Variants in BCL11B observed in about 807,000 individuals in gnomAD.
The protein encoded by BCL11B is B-cell lymphoma/leukemia 11B.
In BCL11B, 8 loss-of-function variants were observed where a neutral mutation model predicts 49.9. That is an observed-to-expected ratio of 0.16 (90% CI 0.09 to 0.29). The LOEUF (loss-of-function observed/expected upper bound fraction) is 0.29. Ranked by LOEUF, BCL11B falls within the 10% of genes least tolerant of loss-of-function variation. The pLI, the probability that BCL11B is intolerant of heterozygous loss-of-function variation, is 1.00. For missense variants in BCL11B, 1,006 were observed against 1,351.0 expected (o/e 0.74, Z 4.00); for synonymous variants, 739 against 637.4 (o/e 1.16, Z -2.40).
rs1382248393 is a variant in BCL11B at position 99,242,592 on chromosome 14, C to T, written c.428-11035G>A. Among the ~76,000 whole-genome samples the T allele has an allele frequency of 6.6e-6, 1 of 152,216 alleles. No homozygotes were observed. Among genetic ancestry groups the T allele is most frequent in the East Asian group, 1.9e-4 (1 of 5,184 alleles). ...CCCCCATGGGGAAAGGAGAGGACCA[C>T]ACTCTCCCACCCCTACCCCACAACT... is the stretch of plus-strand genomic sequence containing the variant. On this transcript the variant is annotated intron_variant, in intron 2 of 3. Transcript: ENST00000357195. This position sits in a 1 kb window ranked among gnomAD's most constrained non-coding sequence, Gnocchi z 4.4.
At position 99,172,765 on chromosome 14, in the gene BCL11B, C is replaced by T. The variant is rs1663543352; in HGVS notation, c.*1386G>A. The stretch of plus-strand genomic sequence containing the variant: ...CATTTAATTTAAATGCAAACAAAAG[C>T]TTTAAAGTGCGGGTCAACAGAATTC... On this transcript the variant is annotated 3_prime_UTR_variant, in exon 4 of 4. Coordinates refer to ENST00000357195, the MANE Select transcript of BCL11B (RefSeq NM_138576.4). 9.3e-6 allele frequency: 2 copies of T among 215,862 alleles called. No individual in the cohort carries two copies. The highest frequency in any genetic ancestry group is 6.9e-5 in the East Asian group (1 of 14,516). 13.4% of individuals were successfully genotyped at this position (215,862 alleles called of 1,614,324 possible). A position where few individuals can be genotyped will look rare whatever the true frequency, so the allele number is the denominator to read the frequency against.
intron 3 of BCL11B, among the ~76,000 whole-genome samples, chr14:99,190,430 G>A (rs748802135): frequency 6.6e-6 from 1 of 152,272 alleles, no homozygotes; most frequent in Non-Finnish European, 1.5e-5. Context: ...GGAGGTTGCA[G>A]TGAGCCGAGA....
intron 3 of BCL11B, among the ~76,000 whole-genome samples, chr14:99,227,647 G>A (rs59453238): frequency 6.6e-6 from 1 of 152,180 alleles, no homozygotes; most frequent in East Asian, 1.9e-4. Context: ...AAAATAACAC[G>A]AGCCTCGTTT....
At chr14:99,197,977 C>T (rs998775314) in intron 3 of BCL11B, among the ~76,000 whole-genome samples, 8 of 152,182 alleles carry the variant, frequency 5.3e-5, no homozygotes, top group Non-Finnish European at 1.0e-4. Context: ...CGGGCTGTGT[C>T]GGGAAGCTAT....
intron 3 of BCL11B, among the ~76,000 whole-genome samples, chr14:99,191,893 AT>A (rs1566802814): frequency 6.6e-6 from 1 of 152,086 alleles, no homozygotes; most frequent in Non-Finnish European, 1.5e-5. Context: ...TAAAAATACA[AT>A]TTCTGCTGCG....
Position 99,174,478 on chromosome 14 carries a change from C to T in BCL11B, c.2358G>A (p.Arg786=). The change falls in exon 4 of 4, where the codon CGG becomes CGA. Residue 786 remains arginine (R), a synonymous_variant. Coordinates refer to ENST00000357195, the MANE Select transcript of BCL11B (RefSeq NM_138576.4). ...TGCGGCGGCCCTCCTTGGAGCTGGG[C>T]CGCCCGGGGCCCGGGCCGCCCAGGT... ...TPHLGGPGPG[R]PSSKEGRRSD... is the part of the protein sequence containing the mutation. 6.3e-7 allele frequency: 1 copy of T among 1,585,048 alleles called. No homozygotes were observed. Among genetic ancestry groups the T allele is most frequent in the Non-Finnish European group, 8.6e-7 (1 of 1,167,966 alleles).
intron 3 of BCL11B, among the ~76,000 whole-genome samples, chr14:99,180,428 C>G (rs1280829143): frequency 6.6e-6 from 1 of 152,230 alleles, no homozygotes; most frequent in Non-Finnish European, 1.5e-5. Flanking sequence ...CTTTGCTCCA[C>G]TGGCTCTAGA....
chr14:99,177,737 C>T (rs935679967), intron 3 of BCL11B, among the ~76,000 whole-genome samples: 4 of 151,826 alleles, frequency 2.6e-5, no homozygotes, highest in Admixed American at 6.6e-5. Context: ...TTCCCAATAT[C>T]GGTAAGTTGC....
chr14:99,215,741 G>A (rs1887815165), intron 3 of BCL11B, among the ~76,000 whole-genome samples: 1 of 152,118 alleles, frequency 6.6e-6, no homozygotes, highest in African/African-American at 2.4e-5. Context: ...TTAAAGACAT[G>A]TATATTAAGA....
chr14:99,270,094 T>G (rs1889618127), intron 1 of BCL11B, among the ~76,000 whole-genome samples: 1 of 151,870 alleles, frequency 6.6e-6, no homozygotes, highest in Admixed American at 6.6e-5. Context: ...CGCGCTCGCT[T>G]TTCCCCTCTG....
rs753887267 is a variant in BCL11B at position 99,232,752 on chromosome 14, A to G, written c.428-1195T>C. On this transcript the variant is annotated intron_variant, in intron 2 of 3. Transcript: ENST00000357195. This position sits in a 1 kb window ranked among gnomAD's most constrained non-coding sequence, Gnocchi z 5.1. ...ACCAGGAAACTGATGGCGTGACTGC[A>G]GAAAACTGCAGACATCAGCAGCCCC... is the stretch of plus-strand genomic sequence containing the variant. Among the ~76,000 whole-genome samples the G allele has an allele frequency of 6.6e-6, 1 of 152,236 alleles. No individual in the cohort carries two copies. The highest frequency in any genetic ancestry group is 1.5e-5 in the Non-Finnish European group (1 of 68,044).
At chr14:99,203,815 G>C (rs553558943) in intron 3 of BCL11B, among the ~76,000 whole-genome samples, 1 of 152,282 alleles carries the variant, frequency 6.6e-6, no homozygotes, top group African/African-American at 2.4e-5. Flanking sequence ...GCTCAGATAG[G>C]GATAGAGGGC....
In BCL11B at chr14:99,194,924, C is replaced by T. The variant is rs74478419; in HGVS notation, c.641-18729G>A. ...GAAGCCAAGGCTCAGGAACAAAGCGCGTCTACCCAAGGCCATCCAGGCAAC... is the reference window on the plus strand; with the variant it reads ...GAAGCCAAGGCTCAGGAACAAAGCGTGTCTACCCAAGGCCATCCAGGCAAC... On this transcript the variant is annotated intron_variant, in intron 3 of 3. Coordinates refer to ENST00000357195, the MANE Select transcript of BCL11B (RefSeq NM_138576.4). This position sits in a 1 kb window ranked among gnomAD's most constrained non-coding sequence, Gnocchi z 4.6. Among the ~76,000 whole-genome samples, 1,352 of 152,274 alleles carry T rather than the reference C, an allele frequency of 8.9e-3. 8 individuals carry two copies. Among genetic ancestry groups the T allele is most frequent in the Middle Eastern group, 0.027 (8 of 294 alleles).
Position 99,169,453 on chromosome 14 carries a change from T to C in BCL11B, c.*4698A>G, listed in dbSNP as rs1472497195. On this transcript the variant is annotated 3_prime_UTR_variant, in exon 4 of 4. Coordinates refer to ENST00000357195, the MANE Select transcript of BCL11B (RefSeq NM_138576.4). ...TCTTGTACAGAGAATAAAGGAACAA[T>C]AAATATTTTACTAAGCCATATTGAA... 1 of 196,128 alleles carries C rather than the reference T, an allele frequency of 5.1e-6. No individual in the cohort carries two copies. Among genetic ancestry groups the C allele is most frequent in the Non-Finnish European group, 1.1e-5 (1 of 94,224 alleles). The allele number at this position is 196,128 out of a possible 1,614,324, so 12.1% of individuals were successfully genotyped here. A position where few individuals can be genotyped will look rare whatever the true frequency, so the allele number is the denominator to read the frequency against.
intron 3 of BCL11B, among the ~76,000 whole-genome samples, chr14:99,201,566 TCCCTGTCCTGG>T (rs1310027506): frequency 6.6e-6 from 1 of 152,130 alleles, no homozygotes; most frequent in African/African-American, 2.4e-5. Flanking sequence ...CTGCCCCCAG[TCCCTGTCCTGG>T]CCCTGTGTTC....
chr14:99,264,029 G>A (rs1016840268), intron 1 of BCL11B: 1 of 152,228 alleles, frequency 6.6e-6, no homozygotes, highest in Non-Finnish European at 1.5e-5. Flanking sequence ...AACTGCAAAT[G>A]CCTTCAATCT....
chr14:99,227,934 C>T (rs1364324251), intron 3 of BCL11B, among the ~76,000 whole-genome samples: 1 of 152,146 alleles, frequency 6.6e-6, no homozygotes, highest in Non-Finnish European at 1.5e-5. Context: ...CCCACTGCGA[C>T]CATTGGAAAG....
intron 3 of BCL11B, among the ~76,000 whole-genome samples, chr14:99,190,894 C>G (rs907605514): frequency 7.6e-6 from 1 of 130,856 alleles, no homozygotes; most frequent in African/African-American, 3.0e-5. Flanking sequence ...TCCCACCGCC[C>G]GCTTCGGCCA....
chr14:99,220,482 G>A (rs1208720034), intron 3 of BCL11B, among the ~76,000 whole-genome samples: 1 of 152,190 alleles, frequency 6.6e-6, no homozygotes, highest in African/African-American at 2.4e-5. Flanking sequence ...AAATGAGCTA[G>A]GTACAAAAGG....
Sources: gnomAD v4.1 joint callset for allele counts (sites outside exome capture counted in the v4.1 genomes callset) on GRCh38, gnomAD v4.1.1 for gene constraint, Gnocchi (gnomAD v3.1) non-coding constraint, MANE v1.5 for transcripts, NCBI Gene and HGNC (gene_info 2026-07-23, HGNC 2026-07-21) for gene names.